Variants in ZNF727 observed in about 807,000 individuals in gnomAD.
The protein encoded by ZNF727 is putative zinc finger protein 727.
ZNF727 carries 11 observed loss-of-function variants against 11.5 expected under a neutral mutation model. The ratio of observed to expected loss-of-function variants is 0.95; its 90% CI spans 0.60 to 1.58. The LOEUF (loss-of-function observed/expected upper bound fraction) is 1.58, where lower values mean the gene tolerates loss of function less well. Among genes scored for constraint, ZNF727 ranks in the 40% most tolerant of loss-of-function variants. ZNF727 has a pLI of 0.00. For synonymous variants in ZNF727, 171 were observed against 196.1 expected (o/e 0.87, Z 1.07); for missense variants, 533 against 581.7 (o/e 0.92, Z 0.86).
rs1401081778 is a variant in ZNF727 at position 64,084,709 on chromosome 7, C to T, written c.*6160C>T. Among the ~76,000 whole-genome samples the T allele has an allele frequency of 6.6e-6, 1 of 152,168 alleles. No homozygotes were observed. The highest frequency in any genetic ancestry group is 1.9e-4 in the East Asian group (1 of 5,198). Reference sequence around the variant, plus strand: ...TTTCTGTTGAAAATATGACTTCTCTCGTCTGCTAAACACGTACAGACCTTT... The same window carrying T: ...TTTCTGTTGAAAATATGACTTCTCTTGTCTGCTAAACACGTACAGACCTTT... On this transcript the variant is annotated 3_prime_UTR_variant, in exon 4 of 4. Transcript: ENST00000456806.
intron 1 of ZNF727, among the ~76,000 whole-genome samples, chr7:64,048,482 C>G (rs1287039931): frequency 1.2e-4 from 18 of 152,134 alleles, no homozygotes; most frequent in Non-Finnish European, 2.9e-5. Flanking sequence ...TACAAACATT[C>G]ATGAAAACAT....
At chr7:64,046,617 C>G (rs755255690) in intron 1 of ZNF727, among the ~76,000 whole-genome samples, 5 of 152,200 alleles carry the variant, frequency 3.3e-5, no homozygotes, top group African/African-American at 1.2e-4. Context: ...TGGGGCCCCC[C>G]CAGAAGCAGA....
In ZNF727 at chr7:64,045,560, C is replaced by T; in HGVS notation, c.-62C>T. ...TGACTCCACCATAGCCCCTGTTATC[C>T]TGTGACCTGCAGGTACTGGGAGATC... On this transcript the variant is annotated 5_prime_UTR_variant, in exon 1 of 4. Coordinates refer to ENST00000456806, the MANE Select transcript of ZNF727 (RefSeq NM_001159522.3). The T allele has an allele frequency of 6.4e-7, 1 of 1,550,834 alleles. No homozygotes were observed. Among genetic ancestry groups the T allele is most frequent in the Non-Finnish European group, 8.7e-7 (1 of 1,146,020 alleles).
At chr7:64,063,301 A>G (rs773174721) in intron 1 of ZNF727, among the ~76,000 whole-genome samples, 141 of 151,422 alleles carry the variant, frequency 9.3e-4, no homozygotes, top group South Asian at 1.5e-3. Context: ...GTTGTAATCT[A>G]AGTCTTTGAT....
Position 64,083,081 on chromosome 7 carries a change from A to G in ZNF727, c.*4532A>G, listed in dbSNP as rs1785817822. Among the ~76,000 whole-genome samples, 1 of 152,188 alleles carries G rather than the reference A, an allele frequency of 6.6e-6. No individual in the cohort carries two copies. The highest frequency in any genetic ancestry group is 2.4e-5 in the African/African-American group (1 of 41,454). ...CCAAAGAGGATTCAAAACTCCACTG[A>G]TCAAAGAGCACCTGTGGTGGTAGCT... On this transcript the variant is annotated 3_prime_UTR_variant, in exon 4 of 4. Transcript: ENST00000456806.
intron 1 of ZNF727, among the ~76,000 whole-genome samples, chr7:64,052,020 T>C (rs1789606474): frequency 6.6e-6 from 1 of 152,230 alleles, no homozygotes; most frequent in African/African-American, 2.4e-5. Context: ...GTTCAGCTTA[T>C]GTTTCTAAGG....
rs1332748786 is a variant in ZNF727, at chr7:64,078,703, C to A, written c.*154C>A. Among the ~76,000 whole-genome samples the A allele has an allele frequency of 1.3e-5, 2 of 150,660 alleles. No homozygotes were observed. The highest frequency in any genetic ancestry group is 3.0e-5 in the Non-Finnish European group (2 of 67,622). On this transcript the variant is annotated 3_prime_UTR_variant, in exon 4 of 4. Transcript: ENST00000456806. ...GCCTTTATCCGCTCCTCAACCCTTA[C>A]AAGCCACAAGAGAATTCATATGGAA...
intron 1 of ZNF727, among the ~76,000 whole-genome samples, chr7:64,064,748 C>G (rs567211027): frequency 6.6e-6 from 1 of 152,286 alleles, no homozygotes; most frequent in African/African-American, 2.4e-5. Flanking sequence ...GACACTTCCT[C>G]TCTGACTACG....
chr7:64,054,873 T>G (rs1372878035), intron 1 of ZNF727, among the ~76,000 whole-genome samples: 4 of 152,164 alleles, frequency 2.6e-5, no homozygotes, highest in African/African-American at 9.7e-5. Context: ...GTGTTAAAAT[T>G]GATGTCTCTA....
At position 64,085,301 on chromosome 7, in the gene ZNF727, T is replaced by C. The variant is rs1369736876; in HGVS notation, c.*6752T>C. Among the ~76,000 whole-genome samples, 4 of 152,210 alleles carry C rather than the reference T, an allele frequency of 2.6e-5. No individual in the cohort carries two copies. The highest frequency in any genetic ancestry group is 2.0e-4 in the Admixed American group (3 of 15,270). The stretch of plus-strand genomic sequence containing the variant: ...TATTGATCATTTTACTTTGTAAAAT[T>C]GATATAATTGATTTTATTAAATTTA... On this transcript the variant is annotated 3_prime_UTR_variant, in exon 4 of 4. Coordinates refer to ENST00000456806, the MANE Select transcript of ZNF727 (RefSeq NM_001159522.3).
Position 64,078,656 on chromosome 7 carries a change from C to T in ZNF727, c.*107C>T, listed in dbSNP as rs1478170349. The T allele has an allele frequency of 2.2e-6, 3 of 1,355,766 alleles. No individual in the cohort carries two copies. Among genetic ancestry groups the T allele is most frequent in the East Asian group, 2.3e-5 (1 of 43,370 alleles). The allele number at this position is 1,355,766 out of a possible 1,614,324, so 84.0% of individuals were successfully genotyped here. ...GAATTCATACTGGAGAGAAACCCTA[C>T]ATTTGTGAAGAATGTGGCAAAGCCT... is the stretch of plus-strand genomic sequence containing the variant. On this transcript the variant is annotated 3_prime_UTR_variant, in exon 4 of 4. Transcript: ENST00000456806.
At chr7:64,048,609 A>G (rs1789545220) in intron 1 of ZNF727, among the ~76,000 whole-genome samples, 1 of 152,234 alleles carries the variant, frequency 6.6e-6, no homozygotes. Context: ...AGTATTTGCC[A>G]CTATACATAC....
rs554528000 is a variant in ZNF727, at chr7:64,046,910, T to C, written c.3+1286T>C. ...ATGTATTGCATTTGCACCCATCCGG[T>C]GGAAATGTCCTGGTTATGTACTTAG... On this transcript the variant is annotated intron_variant, in intron 1 of 3. Transcript: ENST00000456806. Among the ~76,000 whole-genome samples the C allele has an allele frequency of 2.6e-5, 4 of 152,256 alleles. No homozygotes were observed. The East Asian group carries it at 5.8e-4, about 22-fold the overall frequency.
intron 1 of ZNF727, among the ~76,000 whole-genome samples, chr7:64,053,816 C>T (rs1023365641): frequency 6.6e-6 from 1 of 152,240 alleles, no homozygotes; most frequent in East Asian, 1.9e-4. Flanking sequence ...TGTCTTTACC[C>T]GCAGCATGAA....
intron 1 of ZNF727, among the ~76,000 whole-genome samples, chr7:64,049,140 A>G (rs1789553224): frequency 6.6e-6 from 1 of 152,094 alleles, no homozygotes; most frequent in Non-Finnish European, 1.5e-5. Flanking sequence ...TTGTATTATT[A>G]TATTATTATT....
chr7:64,051,695 G>A (rs1185108081), intron 1 of ZNF727, among the ~76,000 whole-genome samples: 2 of 151,918 alleles, frequency 1.3e-5, no homozygotes, highest in East Asian at 3.9e-4. Context: ...CTAATTCTCT[G>A]GATGTTAACA....
At position 64,082,142 on chromosome 7, in the gene ZNF727, G is replaced by A. The variant is rs1785802784; in HGVS notation, c.*3593G>A. Among the ~76,000 whole-genome samples the A allele has an allele frequency of 6.6e-6, 1 of 152,126 alleles. No homozygotes were observed. The highest frequency in any genetic ancestry group is 2.1e-4 in the South Asian group (1 of 4,832). ...TTTTTCATTAGTCTGAGGGTAGCAA[G>A]GACAGTTCTACTGCAGAGGCAATGG... On this transcript the variant is annotated 3_prime_UTR_variant, in exon 4 of 4. Transcript: ENST00000456806.
At chr7:64,053,208 T>C (rs568310046) in intron 1 of ZNF727, among the ~76,000 whole-genome samples, 2 of 152,276 alleles carry the variant, frequency 1.3e-5, no homozygotes, top group Admixed American at 1.3e-4. Context: ...GTCCCACATG[T>C]AGGAGGGACC....
At position 64,077,297 on chromosome 7, in the gene ZNF727, C is replaced by T. The variant is rs1278338903; in HGVS notation, c.248C>T (p.Ala83Val). Reference sequence around the variant, plus strand: ...TCAGCTGGCTCTTTGCATTTTACTGCAGAGATATTGCTGGAGCACGACATA... The same window carrying T: ...TCAGCTGGCTCTTTGCATTTTACTGTAGAGATATTGCTGGAGCACGACATA... Reference protein sequence around the residue: ...KHPAGSLHFTAEILLEHDIND... With the variant: ...KHPAGSLHFTVEILLEHDIND... The change falls in exon 4 of 4, where the codon GCA becomes GTA. Residue 83 changes from alanine (A) to valine (V), a missense_variant. Physicochemically the swap from Ala to Val is moderately conservative, Grantham distance 64. Transcript: ENST00000456806. The T allele has an allele frequency of 1.3e-6, 2 of 1,526,014 alleles. No homozygotes were observed. The highest frequency in any genetic ancestry group is 2.5e-5 in the South Asian group (2 of 80,214). The allele number at this position is 1,526,014 out of a possible 1,614,324, so 94.5% of individuals were successfully genotyped here. A position where few individuals can be genotyped will look rare whatever the true frequency, so the allele number is the denominator to read the frequency against.
Sources: allele counts gnomAD v4.1 joint callset (sites outside exome capture counted in the v4.1 genomes callset), GRCh38; gene constraint gnomAD v4.1.1; transcripts MANE v1.5; gene names NCBI Gene and HGNC (gene_info 2026-07-23, HGNC 2026-07-21).